Variants in OCA2 observed in about 807,000 individuals in gnomAD.
OCA2 encodes OCA2 melanosomal transmembrane protein.
In OCA2, 77 loss-of-function variants were observed where a neutral mutation model predicts 100.2. The ratio of observed to expected loss-of-function variants is 0.77; its 90% CI spans 0.64 to 0.93. OCA2 has a LOEUF of 0.93. Ranked by LOEUF, OCA2 falls within the 40% of genes least tolerant of loss-of-function variation. OCA2 has a pLI of 0.00. For synonymous variants in OCA2, 432 were observed against 439.2 expected, an observed-to-expected ratio of 0.98 and a Z score of 0.21; for missense variants, 1,062 against 1,089.1, an observed-to-expected ratio of 0.98 and a Z score of 0.35.
At chr15:27,781,886 C>T (rs2032559786) in intron 23 of OCA2, among the ~76,000 whole-genome samples, 1 of 152,172 alleles carries the variant, frequency 6.6e-6, no homozygotes, top group South Asian at 2.1e-4. Flanking sequence ...ACACAGGAGA[C>T]TGAGGTCTGA....
chr15:28,070,567 C>T (rs1391634022), intron 2 of OCA2, among the ~76,000 whole-genome samples: 2,089 of 143,580 alleles, frequency 0.015, 9 homozygotes, highest in African/African-American at 0.054. Flanking sequence ...CCCGGCCAGC[C>T]GCCCCGTCTG....
chr15:27,843,539 A>C (rs2151375420), intron 23 of OCA2, among the ~76,000 whole-genome samples: 1 of 152,308 alleles, frequency 6.6e-6, no homozygotes, highest in Non-Finnish European at 1.5e-5. Flanking sequence ...GAGAGTCCAA[A>C]CAGAAAGAAC....
At chr15:27,853,887 A>C (rs1468704994) in intron 21 of OCA2, among the ~76,000 whole-genome samples, 1 of 152,192 alleles carries the variant, frequency 6.6e-6, no homozygotes, top group Non-Finnish European at 1.5e-5. Flanking sequence ...CCCAGTGTGG[A>C]GATGTGAATG....
At chr15:27,761,402 C>G (rs1019197424) in intron 23 of OCA2, among the ~76,000 whole-genome samples, 3 of 150,704 alleles carry the variant, frequency 2.0e-5, no homozygotes. Flanking sequence ...AAACTTAAAT[C>G]GTGTTTGTAA....
chr15:28,044,162 T>A (rs2043281486), intron 2 of OCA2, among the ~76,000 whole-genome samples: 1 of 152,212 alleles, frequency 6.6e-6, no homozygotes, highest in Non-Finnish European at 1.5e-5. Context: ...TGCTCAACAG[T>A]GATATCCCAC....
At chr15:27,964,856 T>A (rs894868510) in intron 15 of OCA2, among the ~76,000 whole-genome samples, 1 of 152,134 alleles carries the variant, frequency 6.6e-6, no homozygotes, top group African/African-American at 2.4e-5. Flanking sequence ...AGCCCGGCCA[T>A]AGGGTTCCTG....
At chr15:28,064,167 G>C (rs67962324) in intron 2 of OCA2, among the ~76,000 whole-genome samples, 26,637 of 152,054 alleles carry the variant, frequency 0.18, 4,222 homozygotes, top group African/African-American at 0.43. Flanking sequence ...AACTGTGCAT[G>C]TAATTAAGGA....
intron 6 of OCA2, among the ~76,000 whole-genome samples, chr15:28,020,036 C>A (rs771703252): frequency 1.3e-5 from 2 of 152,186 alleles, no homozygotes; most frequent in Non-Finnish European, 2.9e-5. Context: ...TTCCCCCCTG[C>A]GGCCTTCATC....
At chr15:27,737,862 A>G in the OCA2 span, among the ~76,000 whole-genome samples, 2 of 152,232 alleles carry the variant, frequency 1.3e-5, no homozygotes, top group Admixed American at 1.3e-4. Context: ...AGGTCAGACA[A>G]CGTCATAGGA....
At chr15:27,934,966 T>C (rs1406377601) in intron 18 of OCA2, among the ~76,000 whole-genome samples, 1 of 152,164 alleles carries the variant, frequency 6.6e-6, no homozygotes, top group South Asian at 2.1e-4. Flanking sequence ...TGCCTGGTCC[T>C]GCTCTGAGTC....
chr15:27,995,233 G>A (rs1312072209), intron 9 of OCA2, among the ~76,000 whole-genome samples: 1 of 152,168 alleles, frequency 6.6e-6, no homozygotes, highest in Non-Finnish European at 1.5e-5. Context: ...GGAAACAGCA[G>A]ACGTGAACAG....
chr15:27,921,852 C>T (rs1448290129), intron 19 of OCA2, among the ~76,000 whole-genome samples: 1 of 152,144 alleles, frequency 6.6e-6, no homozygotes, highest in Non-Finnish European at 1.5e-5. Context: ...CAGGCATGCA[C>T]CACCATGCCA....
intron 19 of OCA2, among the ~76,000 whole-genome samples, chr15:27,920,518 G>C (rs1489402188): frequency 6.6e-6 from 1 of 151,994 alleles, no homozygotes; most frequent in Non-Finnish European, 1.5e-5. Context: ...AAAAAATAAA[G>C]GAAAGTGTGA....
intron 23 of OCA2, among the ~76,000 whole-genome samples, chr15:27,818,313 C>T (rs896830722): frequency 3.9e-5 from 6 of 152,120 alleles, no homozygotes; most frequent in South Asian, 4.1e-4. Flanking sequence ...CGCTTGAACC[C>T]GGGAGGTGGA....
At chr15:28,015,901 G>A (rs1566799528) in intron 8 of OCA2, among the ~76,000 whole-genome samples, 1 of 152,110 alleles carries the variant, frequency 6.6e-6, no homozygotes, top group Admixed American at 6.6e-5. Flanking sequence ...TTCTGCAGTC[G>A]ACCCTCTCAC....
At position 27,838,193 on chromosome 15, in the gene OCA2, A is replaced by G. The variant is rs140602823; in HGVS notation, c.2432+6766T>C. On this transcript the variant is annotated intron_variant, in intron 23 of 23. Transcript: ENST00000354638. ...CTCAGATAAGCACTGGGGGCTGTGC[A>G]AAAACAACCTGAATCCAAAACCCAA... 3.3e-3 allele frequency among the ~76,000 whole-genome samples: 505 copies of G among 152,348 alleles called. 1 individual carries two copies. Among genetic ancestry groups the G allele is most frequent in the Non-Finnish European group, 4.8e-3 (325 of 68,034 alleles).
intron 19 of OCA2, among the ~76,000 whole-genome samples, chr15:27,923,004 C>T (rs957899236): frequency 6.6e-6 from 1 of 152,016 alleles, no homozygotes; most frequent in African/African-American, 2.4e-5. Context: ...GTGTTGTTCC[C>T]CTCTTTGTGT....
intron 9 of OCA2, among the ~76,000 whole-genome samples, chr15:28,006,949 A>T (rs922813137): frequency 1.1e-4 from 16 of 152,232 alleles, no homozygotes; most frequent in Non-Finnish European, 1.6e-4. Flanking sequence ...AACTCCCTGG[A>T]AGATGGAAGG....
At chr15:27,896,902 CT>C (rs1555427448) in intron 19 of OCA2, among the ~76,000 whole-genome samples, 1 of 149,574 alleles carries the variant, frequency 6.7e-6, no homozygotes, top group African/African-American at 2.4e-5. Context: ...CAGAAATCTT[CT>C]TGGCAGGCCA....
Sources: allele counts gnomAD v4.1 joint callset (sites outside exome capture counted in the v4.1 genomes callset), GRCh38; gene constraint gnomAD v4.1.1; transcripts MANE v1.5; gene names NCBI Gene and HGNC (gene_info 2026-07-23, HGNC 2026-07-21).